C4BPA: variants seen among roughly 807,000 people sequenced by gnomAD.
The protein encoded by C4BPA is complement component 4 binding protein alpha, also known as C4b-binding protein alpha chain.
In C4BPA, 31 loss-of-function variants were observed where a neutral mutation model predicts 63.7. That is an observed-to-expected ratio of 0.49 (90% CI 0.37 to 0.66). C4BPA has a LOEUF of 0.66. Ranked by LOEUF, C4BPA falls within the 30% of genes least tolerant of loss-of-function variation. C4BPA has a pLI of 0.00. For synonymous variants in C4BPA, 259 were observed against 254.7 expected (o/e 1.02, Z -0.16); for missense variants, 572 against 723.3 (o/e 0.79, Z 2.40).
At chr1:207,121,345 G>A (rs1225871682) in intron 4 of C4BPA, among the ~76,000 whole-genome samples, 2 of 151,986 alleles carry the variant, frequency 1.3e-5, no homozygotes, top group Non-Finnish European at 2.9e-5. Context: ...GCTCTTCACT[G>A]AAAATCAAAA....
chr1:207,116,381 C>G (rs956453608), intron 4 of C4BPA, among the ~76,000 whole-genome samples: 1 of 150,502 alleles, frequency 6.6e-6, no homozygotes, highest in African/African-American at 2.4e-5. Context: ...TTTTCCTTAA[C>G]TTGTTGAACT....
intron 1 of C4BPA, among the ~76,000 whole-genome samples, chr1:207,108,116 T>A (rs1684595330): frequency 6.6e-6 from 1 of 152,164 alleles, no homozygotes; most frequent in Admixed American, 6.5e-5. Context: ...CCTTGGGAAT[T>A]TTAACTTAAA....
intron 9 of C4BPA, among the ~76,000 whole-genome samples, chr1:207,138,560 T>C (rs1013590172): frequency 6.6e-6 from 1 of 152,208 alleles, no homozygotes; most frequent in Middle Eastern, 3.2e-3. Context: ...ATTTACATCT[T>C]TTCCTACTAC....
At chr1:207,106,069 A>G (rs1420933284) in intron 1 of C4BPA, among the ~76,000 whole-genome samples, 1 of 152,342 alleles carries the variant, frequency 6.6e-6, no homozygotes, top group Admixed American at 6.5e-5. Context: ...AAGCTGATAT[A>G]GCTTCTTCAA....
chr1:207,109,053 T>C (rs1684614731), intron 1 of C4BPA, among the ~76,000 whole-genome samples: 1 of 152,110 alleles, frequency 6.6e-6, no homozygotes, highest in South Asian at 2.1e-4. Context: ...ATTAAAGTTA[T>C]GGATGTGGAT....
At chr1:207,126,266 A>G (rs1685042109) in intron 6 of C4BPA, among the ~76,000 whole-genome samples, 1 of 148,048 alleles carries the variant, frequency 6.8e-6, no homozygotes, top group Admixed American at 6.8e-5. Context: ...ATATATAAAT[A>G]TATATTATAT....
At chr1:207,104,541 T>G (rs895821176) in intron 1 of C4BPA, 111 bp downstream of exon 1, 7 of 152,178 alleles carry the variant, frequency 4.6e-5, no homozygotes, top group Non-Finnish European at 8.8e-5. Flanking sequence ...TTGGAGGTGT[T>G]TTCAGCAGAA....
intron 1 of C4BPA, among the ~76,000 whole-genome samples, chr1:207,111,782 G>T (rs1367474481): frequency 6.6e-6 from 1 of 152,156 alleles, no homozygotes; most frequent in African/African-American, 2.4e-5. Context: ...ATGTATATGG[G>T]CTTTGTATGA....
At chr1:207,121,844 C>T (rs954053039) in intron 4 of C4BPA, among the ~76,000 whole-genome samples, 36 of 152,112 alleles carry the variant, frequency 2.4e-4, no homozygotes, top group African/African-American at 8.7e-4. Flanking sequence ...CCCTCCTTCA[C>T]CCCTTCTATC....
At chr1:207,113,285 C>A in intron 2 of C4BPA, 118 bp downstream of exon 2, 3 of 1,135,140 alleles carry the variant, frequency 2.6e-6, no homozygotes, top group Non-Finnish European at 2.5e-6. Flanking sequence ...GCTTCATCAA[C>A]AAGTGGTTTA....
chr1:207,135,263 G>T (rs1041673965), intron 9 of C4BPA, among the ~76,000 whole-genome samples: 1 of 152,100 alleles, frequency 6.6e-6, no homozygotes, highest in Non-Finnish European at 1.5e-5. Flanking sequence ...ACTTGACCTC[G>T]GGAGGCGGAG....
At chr1:207,106,877 C>T (rs1454687574) in intron 1 of C4BPA, among the ~76,000 whole-genome samples, 1 of 152,200 alleles carries the variant, frequency 6.6e-6, no homozygotes, top group African/African-American at 2.4e-5. Flanking sequence ...AGATGATAAT[C>T]TGCGTGATAA....
At chr1:207,118,669 G>C (rs1002745814) in intron 4 of C4BPA, among the ~76,000 whole-genome samples, 1 of 151,898 alleles carries the variant, frequency 6.6e-6, no homozygotes, top group African/African-American at 2.4e-5. Context: ...TTTTGGGTGG[G>C]GACACAGCCA....
intron 1 of C4BPA, among the ~76,000 whole-genome samples, chr1:207,111,382 C>A (rs994957609): frequency 6.6e-6 from 1 of 152,154 alleles, no homozygotes; most frequent in African/African-American, 2.4e-5. Context: ...GGTGAATTTA[C>A]GTATTGGCAG....
At chr1:207,118,091 A>C (rs5003928) in intron 4 of C4BPA, among the ~76,000 whole-genome samples, 1 of 151,628 alleles carries the variant, frequency 6.6e-6, no homozygotes, top group East Asian at 1.9e-4. Context: ...TATTTATCCA[A>C]TTTGTATTGT....
intron 10 of C4BPA, among the ~76,000 whole-genome samples, chr1:207,143,296 G>A (rs570918903): frequency 6.6e-6 from 1 of 151,768 alleles, no homozygotes; most frequent in African/African-American, 2.4e-5. Flanking sequence ...GAGAACACAT[G>A]GACACAGGGA....
intron 4 of C4BPA, among the ~76,000 whole-genome samples, chr1:207,123,706 G>A (rs1280797988): frequency 6.6e-6 from 1 of 152,170 alleles, no homozygotes; most frequent in Non-Finnish European, 1.5e-5. Context: ...TAGATGCTCA[G>A]TAACAGATTA....
At chr1:207,141,741 G>A (rs1012111264) in intron 10 of C4BPA, among the ~76,000 whole-genome samples, 1 of 152,106 alleles carries the variant, frequency 6.6e-6, no homozygotes, top group Non-Finnish European at 1.5e-5. Context: ...GAGGGGTCAG[G>A]GAGGGTGAAG....
intron 6 of C4BPA, among the ~76,000 whole-genome samples, chr1:207,125,319 A>T (rs1685015058): frequency 1.3e-5 from 2 of 152,366 alleles, no homozygotes; most frequent in South Asian, 4.1e-4. Context: ...GAAAGGCTTT[A>T]ACAAGGGGAA....
Sources: gnomAD v4.1 joint callset for allele counts (sites outside exome capture counted in the v4.1 genomes callset) on GRCh38, gnomAD v4.1.1 for gene constraint, MANE v1.5 for transcripts, NCBI Gene and HGNC (gene_info 2026-07-23, HGNC 2026-07-21) for gene names.